Variants in TBC1D12 observed in about 807,000 individuals in gnomAD.
The protein encoded by TBC1D12 is TBC1 domain family member 12.
TBC1D12 carries 56 observed loss-of-function variants against 86.7 expected under a neutral mutation model. The observed-to-expected ratio is 0.65, with a 90% CI of 0.52 to 0.81. TBC1D12 has a LOEUF of 0.81. Among genes scored for constraint, TBC1D12 ranks in the 30% least tolerant of loss-of-function variants. The pLI is 0.00. For synonymous variants in TBC1D12, 421 were observed against 411.7 expected (o/e 1.02, Z -0.27); for missense variants, 1,023 against 1,038.8 (o/e 0.98, Z 0.21).
At chr10:94,523,981 T>C (rs1842221211) in intron 11 of TBC1D12, among the ~76,000 whole-genome samples, 1 of 152,152 alleles carries the variant, frequency 6.6e-6, no homozygotes, top group African/African-American at 2.4e-5. Context: ...AAAAATTATG[T>C]ATGTTGCCAA....
chr10:94,524,819 A>G (rs1842245572), intron 11 of TBC1D12, among the ~76,000 whole-genome samples: 1 of 151,846 alleles, frequency 6.6e-6, no homozygotes, highest in Non-Finnish European at 1.5e-5. Flanking sequence ...CGTTCATTAA[A>G]AAATTTTTTT....
intron 11 of TBC1D12, among the ~76,000 whole-genome samples, chr10:94,523,553 AT>A (rs199613472): frequency 2.7e-4 from 41 of 152,054 alleles, no homozygotes; most frequent in South Asian, 8.3e-4. Context: ...ATTGTCTGAA[AT>A]TTTTTTTAAA....
In TBC1D12 at chr10:94,535,830, ACCTTT is replaced by A. The variant is rs1842530986; in HGVS notation, c.*2736_*2740del. The A allele has an allele frequency of 6.6e-6, 1 of 152,092 alleles. No individual in the cohort carries two copies. Among genetic ancestry groups the A allele is most frequent in the Admixed American group, 6.6e-5 (1 of 15,254 alleles). The allele number at this position is 152,092 out of a possible 1,614,324, so 9.4% of individuals were successfully genotyped here. A position where few individuals can be genotyped will look rare whatever the true frequency, so the allele number is the denominator to read the frequency against. On this transcript the variant is annotated 3_prime_UTR_variant, in exon 13 of 13. Coordinates refer to ENST00000225235, the MANE Select transcript of TBC1D12 (RefSeq NM_015188.2). ...TTTTTTATTATTGTACAGTTTCTTT[ACCTTT>A]CAAGTATAAATGTGTATATAAAATG...
chr10:94,476,128 T>TC (rs907456852), intron 3 of TBC1D12, among the ~76,000 whole-genome samples: 2 of 143,270 alleles, frequency 1.4e-5, no homozygotes, highest in East Asian at 2.0e-4. Context: ...TCTCTCTCTC[T>TC]TTTTTTTTTT....
intron 2 of TBC1D12, among the ~76,000 whole-genome samples, chr10:94,472,069 C>T (rs938839053): frequency 2.0e-5 from 3 of 152,060 alleles, no homozygotes; most frequent in East Asian, 1.9e-4. Flanking sequence ...TGATCTACCC[C>T]GATGAGCCTT....
chr10:94,423,640 G>T (rs1185288621), intron 1 of TBC1D12, among the ~76,000 whole-genome samples: 2 of 152,170 alleles, frequency 1.3e-5, no homozygotes, highest in Admixed American at 6.6e-5. Flanking sequence ...GAGCCACTGT[G>T]CCTGGCCTCA....
chr10:94,493,034 G>A (rs2056266460), intron 3 of TBC1D12, among the ~76,000 whole-genome samples: 1 of 152,030 alleles, frequency 6.6e-6, no homozygotes, highest in African/African-American at 2.4e-5. Context: ...GAGTCAGGAG[G>A]ATTGCTTCAA....
chr10:94,514,342 T>C (rs2056563457), intron 9 of TBC1D12, among the ~76,000 whole-genome samples: 1 of 152,144 alleles, frequency 6.6e-6, no homozygotes, highest in Admixed American at 6.5e-5. Context: ...GCCTGGGCGA[T>C]AGAGTGAGAC....
At chr10:94,425,547 G>A (rs896488623) in intron 1 of TBC1D12, among the ~76,000 whole-genome samples, 2 of 152,030 alleles carry the variant, frequency 1.3e-5, no homozygotes, top group Non-Finnish European at 2.9e-5. Flanking sequence ...AATAAATTTG[G>A]AGCTCACACT....
At chr10:94,442,162 AT>A in intron 2 of TBC1D12, 143 bp downstream of exon 2, 1 of 850,078 alleles carries the variant, frequency 1.2e-6, no homozygotes, top group Non-Finnish European at 1.6e-6. Context: ...GATTATAAGT[AT>A]TTATAGGGAC....
Position 94,441,940 on chromosome 10 carries a change from A to G in TBC1D12, c.1016A>G (p.His339Arg), listed in dbSNP as rs754532543. 12 of 1,613,424 alleles carry G rather than the reference A, an allele frequency of 7.4e-6. No homozygotes were observed. Among genetic ancestry groups the G allele is most frequent in the Non-Finnish European group, 8.5e-6 (10 of 1,179,652 alleles). ...KRTKELKSVV[H>R]SAPGWKLFGK... ...ACAAAGGAACTCAAATCAGTTGTCCATAGTGCTCCTGGTTGGAAATTATTT... is the reference window on the plus strand; with the variant it reads ...ACAAAGGAACTCAAATCAGTTGTCCGTAGTGCTCCTGGTTGGAAATTATTT... Residue 339 changes from histidine to arginine, a missense_variant, in exon 2 of 13, where the codon CAT (histidine) becomes CGT (arginine). Coordinates refer to ENST00000225235, the MANE Select transcript of TBC1D12 (RefSeq NM_015188.2).
chr10:94,418,185 C>T lies in TBC1D12; in HGVS notation c.971+14601C>T, dbSNP rs1056107138. Among the ~76,000 whole-genome samples the T allele has an allele frequency of 2.0e-5, 3 of 152,160 alleles. No homozygotes were observed. The East Asian group carries it at 5.8e-4, about 29-fold the overall frequency. ...AAAACCAGAAACTTGGGCCCTGCCA[C>T]GCTTGAATTTGGTTATCTCCAAGTA... On this transcript the variant is annotated intron_variant, in intron 1 of 12. Transcript: ENST00000225235.
chr10:94,407,650 C>G (rs2054874446), intron 1 of TBC1D12, among the ~76,000 whole-genome samples: 1 of 150,606 alleles, frequency 6.6e-6, no homozygotes, highest in Non-Finnish European at 1.5e-5. Flanking sequence ...GCACTGCACT[C>G]CAGCCTGGGT....
At chr10:94,450,060 T>A (rs375590450) in intron 2 of TBC1D12, among the ~76,000 whole-genome samples, 1 of 152,212 alleles carries the variant, frequency 6.6e-6, no homozygotes, top group East Asian at 1.9e-4. Context: ...AGGACAGAAT[T>A]CTTGAATTGA....
chr10:94,475,636 A>G (rs949596655), intron 3 of TBC1D12, among the ~76,000 whole-genome samples: 3 of 152,110 alleles, frequency 2.0e-5, no homozygotes, highest in Admixed American at 6.6e-5. Flanking sequence ...GGGTTTCGCC[A>G]TGTTGGCCAG....
chr10:94,452,181 C>T (rs895427106), intron 2 of TBC1D12, among the ~76,000 whole-genome samples: 1 of 151,730 alleles, frequency 6.6e-6, no homozygotes, highest in African/African-American at 2.4e-5. Context: ...GGAGAAAGTA[C>T]AGAGAGTTCC....
At chr10:94,467,478 C>T (rs188985661) in intron 2 of TBC1D12, among the ~76,000 whole-genome samples, 184 of 152,226 alleles carry the variant, frequency 1.2e-3, no homozygotes, top group Admixed American at 2.4e-3. Context: ...GTGAGCCGCC[C>T]GCCTTGGCCT....
At chr10:94,500,180 A>G (rs1181775560) in intron 5 of TBC1D12, 41 bp from the exon 6 acceptor site, 1 of 1,580,680 alleles carries the variant, frequency 6.3e-7, no homozygotes, top group Non-Finnish European at 8.6e-7. Context: ...TTTTTGGTAT[A>G]AAAAGTAACT....
At chr10:94,493,985 ATAAT>A (rs1287124398) in intron 4 of TBC1D12, among the ~76,000 whole-genome samples, 7 of 151,700 alleles carry the variant, frequency 4.6e-5, no homozygotes, top group East Asian at 1.9e-4. Flanking sequence ...TTTATATTTT[ATAAT>A]TAATTTCTAA....
Sources: allele counts gnomAD v4.1 joint callset (sites outside exome capture counted in the v4.1 genomes callset), GRCh38; gene constraint gnomAD v4.1.1; transcripts MANE v1.5; gene names NCBI Gene and HGNC (gene_info 2026-07-23, HGNC 2026-07-21).